TTC23: variants seen among roughly 807,000 people sequenced by gnomAD.
TTC23 encodes tetratricopeptide repeat domain 23.
In TTC23, 58 loss-of-function variants were observed where a neutral mutation model predicts 55.1. That is an observed-to-expected ratio of 1.05 (90% confidence interval 0.85 to 1.31). The LOEUF is 1.31. Ranked by LOEUF, TTC23 falls within the 50% of genes most tolerant of loss-of-function variation. The probability of loss-of-function intolerance (pLI) is 0.00; values close to 1 mark genes in which losing one functional copy is unlikely to be tolerated. For synonymous variants in TTC23, 203 were observed against 199.9 expected (o/e 1.02, Z -0.13); for missense variants, 516 against 534.4 (o/e 0.97, Z 0.34).
At chr15:99,243,152 T>G (rs921171911) in intron 2 of TTC23, among the ~76,000 whole-genome samples, 1 of 151,620 alleles carries the variant, frequency 6.6e-6, no homozygotes, top group Non-Finnish European at 1.5e-5. Context: ...CAAAACCCAA[T>G]AGGAAAAAAA....
intron 11 of TTC23, chr15:99,157,170 A>G (rs535823169): frequency 1.5e-3 from 212 of 137,328 alleles, no homozygotes; most frequent in African/African-American, 5.6e-3. Flanking sequence ...TCACCGTCTC[A>G]GCAGATCTTC....
chr15:99,242,419 A>G (rs887121378), intron 2 of TTC23, among the ~76,000 whole-genome samples: 1 of 152,196 alleles, frequency 6.6e-6, no homozygotes, highest in African/African-American at 2.4e-5. Flanking sequence ...CTACCAAACC[A>G]TTAAAGAAGA....
At chr15:99,250,881 T>A (rs1417000216), upstream of TTC23, among the ~76,000 whole-genome samples, 1 of 152,234 alleles carries the variant, frequency 6.6e-6, no homozygotes, top group Non-Finnish European at 1.5e-5. Flanking sequence ...TTAGACTCAC[T>A]ACTTGCTAAA....
intron 8 of TTC23, among the ~76,000 whole-genome samples, 156 bp from the exon 9 acceptor site, chr15:99,200,252 G>C (rs1312383140): frequency 6.6e-6 from 1 of 152,150 alleles, no homozygotes; most frequent in Non-Finnish European, 1.5e-5. Flanking sequence ...AGCAGGGCAT[G>C]GTGGTTAAGA....
rs535167640 is a variant in TTC23 at position 99,152,686 on chromosome 15, T to C, written c.1143+3462A>G. On this transcript the variant is annotated intron_variant, in intron 12 of 13. Coordinates refer to ENST00000394132, the MANE Select transcript of TTC23 (RefSeq NM_001288615.3). ...ACGCCTGGCCTCAGGTATTTCTTTA[T>C]AGCAATGCAAGAATGGCCTAATACA... Among the ~76,000 whole-genome samples the C allele has an allele frequency of 7.9e-5, 12 of 152,282 alleles. No individual in the cohort carries two copies. The East Asian group carries it at 2.3e-3, about 29-fold the overall frequency.
At chr15:99,227,555 G>A (rs2078560503) in intron 5 of TTC23, among the ~76,000 whole-genome samples, 1 of 152,132 alleles carries the variant, frequency 6.6e-6, no homozygotes, top group Admixed American at 6.5e-5. Context: ...CTCATGGCAT[G>A]CTTCTGCTTA....
chr15:99,197,724 G>A (rs1441637760), intron 9 of TTC23, among the ~76,000 whole-genome samples: 1 of 151,788 alleles, frequency 6.6e-6, no homozygotes, highest in East Asian at 1.9e-4. Context: ...TGGCCAACAT[G>A]GTAAAACATC....
rs575926391 is a variant in TTC23 at position 99,152,284 on chromosome 15, C to G, written c.1143+3864G>C. Among the ~76,000 whole-genome samples, 4 of 152,340 alleles carry G rather than the reference C, an allele frequency of 2.6e-5. No homozygotes were observed. The East Asian group carries it at 7.7e-4, about 29-fold the overall frequency. On this transcript the variant is annotated intron_variant, in intron 12 of 13. Transcript: ENST00000394132. Reference sequence around the variant, plus strand: ...GGCCTTCCCAGAAGCTGAGCAGATACCAGCATCATGCTTGCACAGCCTGCA... The same window carrying G: ...GGCCTTCCCAGAAGCTGAGCAGATAGCAGCATCATGCTTGCACAGCCTGCA...
At chr15:99,223,416 G>A (rs1567529029) in intron 5 of TTC23, among the ~76,000 whole-genome samples, 1 of 152,206 alleles carries the variant, frequency 6.6e-6, no homozygotes, top group Non-Finnish European at 1.5e-5. Context: ...CACCAGGGAT[G>A]GGCATGCATA....
intron 8 of TTC23, among the ~76,000 whole-genome samples, chr15:99,200,776 T>C (rs995033745): frequency 2.6e-5 from 4 of 152,182 alleles, no homozygotes; most frequent in Non-Finnish European, 4.4e-5. Context: ...ATATAGAACA[T>C]TTACCTTAGC....
intron 6 of TTC23, among the ~76,000 whole-genome samples, chr15:99,221,534 G>C (rs1429196195): frequency 6.6e-6 from 1 of 152,046 alleles, no homozygotes; most frequent in Non-Finnish European, 1.5e-5. Flanking sequence ...AAAAAAACCA[G>C]AAAAGTTAAA....
chr15:99,212,260 A>ATGTGTGTGTGTGTGTG (rs35709919), intron 8 of TTC23, among the ~76,000 whole-genome samples: 1 of 146,516 alleles, frequency 6.8e-6, no homozygotes, highest in Admixed American at 6.9e-5. Context: ...TTAAAGAGGG[A>ATGTGTGTGTGTGTGTG]TGTGTGTGTG....
Position 99,165,679 on chromosome 15 carries a change from T to C in TTC23, c.866-3812A>G, listed in dbSNP as rs191544725. ...CTGGAGCACTCCTCAGAAGGTTTTG[T>C]CTTGGTGGGAGAAAATCTACCACAT... On this transcript the variant is annotated intron_variant, in intron 10 of 13. Coordinates refer to ENST00000394132, the MANE Select transcript of TTC23 (RefSeq NM_001288615.3). 3.3e-5 allele frequency among the ~76,000 whole-genome samples: 5 copies of C among 152,230 alleles called. No homozygotes were observed. The East Asian group carries it at 9.7e-4, about 29-fold the overall frequency.
intron 12 of TTC23, among the ~76,000 whole-genome samples, chr15:99,148,332 G>GCCT (rs1421224297): frequency 1.7e-5 from 2 of 118,198 alleles, no homozygotes; most frequent in Non-Finnish European, 3.3e-5. Flanking sequence ...CTGCACTCCA[G>GCCT]CCTGGGTGAC....
chr15:99,156,155 A>C lies in TTC23; in HGVS notation c.1136T>G (p.Leu379Arg). 6.2e-7 allele frequency: 1 copy of C among 1,614,100 alleles called. No individual in the cohort carries two copies. The change falls in exon 12 of 14, where the codon CTG (leucine) becomes CGG (arginine). Residue 379 changes from leucine (L) to arginine (R), a missense_variant. Leu to Arg is a moderately radical substitution (Grantham distance 102). Transcript: ENST00000394132. ...TACTGGTTCCAGCTTTACCTTCTTC[A>C]GTTTCTTGCGGGCCCCACTGTGGTT... ...QGNHSGARKK[L>R]KKCLQIQTLL...
At chr15:99,148,383 A>AAAAAAAAAAAAAAAAAAAAAAAC in intron 12 of TTC23, 1 of 146,012 alleles carries the variant, frequency 6.8e-6, no homozygotes, top group Non-Finnish European at 1.5e-5. Flanking sequence ...AAAAAAAAAA[A>AAAAAAAAAAAAAAAAAAAAAAAC]AAAAGACCTT....
Position 99,237,489 on chromosome 15 carries a change from C to T in TTC23, c.-113-2409G>A, listed in dbSNP as rs570842626. ...ATAAAAAGGGATGAATATGTTGCGACATGAATAAATCTCAAAATAGTTATG... is the reference window on the plus strand; with the variant it reads ...ATAAAAAGGGATGAATATGTTGCGATATGAATAAATCTCAAAATAGTTATG... On this transcript the variant is annotated intron_variant, in intron 3 of 13. Transcript: ENST00000394132. 7.2e-5 allele frequency among the ~76,000 whole-genome samples: 11 copies of T among 152,254 alleles called. No homozygotes were observed. In the East Asian group the frequency reaches 2.1e-3, roughly 29 times the overall value.
chr15:99,232,537 C>T (rs950521270), intron 4 of TTC23, among the ~76,000 whole-genome samples: 1 of 151,254 alleles, frequency 6.6e-6, no homozygotes, highest in East Asian at 1.9e-4. Flanking sequence ...TATACAAATG[C>T]CCAATAGGTG....
chr15:99,167,474 G>T (rs1032021621), intron 10 of TTC23, among the ~76,000 whole-genome samples: 3 of 152,228 alleles, frequency 2.0e-5, no homozygotes, highest in Admixed American at 6.5e-5. Flanking sequence ...CACTCTAACA[G>T]AATGTTTAGG....
Sources: gnomAD v4.1 joint callset for allele counts (sites outside exome capture counted in the v4.1 genomes callset) on GRCh38, gnomAD v4.1.1 for gene constraint, MANE v1.5 for transcripts, NCBI Gene and HGNC (gene_info 2026-07-23, HGNC 2026-07-21) for gene names.